NBEA: variants seen among roughly 807,000 people sequenced by gnomAD.
NBEA encodes the protein lysosomal-trafficking regulator 2.
NBEA carries 44 observed loss-of-function variants against 343.4 expected under a neutral mutation model. The observed-to-expected ratio is 0.13, with a 90% CI of 0.10 to 0.16. The LOEUF (loss-of-function observed/expected upper bound fraction) is 0.16, where lower values mean the gene tolerates loss of function less well. Ranked by LOEUF, NBEA falls within the 10% of genes least tolerant of loss-of-function variation. NBEA has a pLI of 1.00. For missense variants in NBEA, 2,555 were observed against 3,631.3 expected (o/e 0.70, Z 7.62); for synonymous variants, 1,175 against 1,238.7 (o/e 0.95, Z 1.08).
intron 41 of NBEA, among the ~76,000 whole-genome samples, chr13:35,523,844 T>C (rs183037006): frequency 2.6e-5 from 4 of 152,302 alleles, no homozygotes; most frequent in African/African-American, 9.6e-5. Flanking sequence ...TAATGATTTT[T>C]CTATTTATTT....
chr13:35,454,481 T>G (rs1322610941), intron 40 of NBEA, among the ~76,000 whole-genome samples: 1 of 152,186 alleles, frequency 6.6e-6, no homozygotes, highest in Non-Finnish European at 1.5e-5. Flanking sequence ...ATAATGTCTG[T>G]CTTACTCATA....
At chr13:35,367,810 T>G (rs1594373097) in intron 38 of NBEA, among the ~76,000 whole-genome samples, 1 of 151,456 alleles carries the variant, frequency 6.6e-6, no homozygotes, top group East Asian at 1.9e-4. Context: ...ACACTGGCAT[T>G]TTTACAGGTT....
At chr13:34,962,685 T>G (rs1273264633) in intron 1 of NBEA, among the ~76,000 whole-genome samples, 1 of 152,018 alleles carries the variant, frequency 6.6e-6, no homozygotes, top group Non-Finnish European at 1.5e-5. Context: ...ACAACTGCTT[T>G]TTGTGAGCTC....
At chr13:35,110,652 T>C (rs1304767857) in intron 12 of NBEA, among the ~76,000 whole-genome samples, 158 bp from the exon 13 acceptor site, 1 of 152,246 alleles carries the variant, frequency 6.6e-6, no homozygotes, top group Admixed American at 6.5e-5. Flanking sequence ...TTTTTAAATA[T>C]AAATAATATT....
intron 53 of NBEA, among the ~76,000 whole-genome samples, chr13:35,653,884 C>A (rs2084679388): frequency 1.3e-5 from 2 of 152,124 alleles, no homozygotes; most frequent in Non-Finnish European, 2.9e-5. Context: ...TAGTAAAGGA[C>A]CAACTGTATA....
intron 25 of NBEA, among the ~76,000 whole-genome samples, chr13:35,170,927 T>C (rs1376671079): frequency 6.6e-6 from 1 of 151,954 alleles, no homozygotes; most frequent in Non-Finnish European, 1.5e-5. Context: ...TTAAAATCTT[T>C]ATAAATTACA....
At chr13:35,137,023 G>T (rs1327699693) in intron 17 of NBEA, among the ~76,000 whole-genome samples, 1 of 152,200 alleles carries the variant, frequency 6.6e-6, no homozygotes, top group Non-Finnish European at 1.5e-5. Flanking sequence ...AAAGTGTGAG[G>T]ATGGTAATTA....
chr13:34,956,178 G>A (rs58112856), intron 1 of NBEA, among the ~76,000 whole-genome samples: 12,519 of 152,190 alleles, frequency 0.082, 632 homozygotes, highest in African/African-American at 0.13. Flanking sequence ...TGAGTATATT[G>A]TAATTCTGAA....
At chr13:35,054,628 T>C (rs2063181200) in intron 6 of NBEA, among the ~76,000 whole-genome samples, 1 of 151,318 alleles carries the variant, frequency 6.6e-6, no homozygotes, top group Admixed American at 6.6e-5. Flanking sequence ...TTTTTTTCTT[T>C]TTCTGTTTTC....
At chr13:35,507,653 C>T (rs1461962) in intron 41 of NBEA, among the ~76,000 whole-genome samples, 74,885 of 151,910 alleles carry the variant, frequency 0.49, 20,150 homozygotes, top group Non-Finnish European at 0.61. Flanking sequence ...TCTCTCACAC[C>T]CAACATATAC....
At chr13:35,297,110 A>T (rs574140679) in intron 35 of NBEA, among the ~76,000 whole-genome samples, 1 of 152,046 alleles carries the variant, frequency 6.6e-6, no homozygotes, top group South Asian at 2.1e-4. Flanking sequence ...ATTATTCAGC[A>T]TTCTCTCTTT....
chr13:34,989,089 A>G lies in NBEA; in HGVS notation c.294+45975A>G, dbSNP rs1416952430. Reference sequence around the variant, plus strand: ...TCATTATTTTATATATTTGTTTTTTAGGCGTATCTCCCTGCATTATTATTT... The same window carrying G: ...TCATTATTTTATATATTTGTTTTTTGGGCGTATCTCCCTGCATTATTATTT... On this transcript the variant is annotated intron_variant, in intron 1 of 58. Coordinates refer to ENST00000379939, the MANE Select transcript of NBEA (RefSeq NM_001385012.1). 1.3e-5 allele frequency among the ~76,000 whole-genome samples: 2 copies of G among 150,752 alleles called. 1 individual carries two copies. Among genetic ancestry groups the G allele is most frequent in the Non-Finnish European group, 3.0e-5 (2 of 67,396 alleles).
chr13:35,354,260 T>C (rs545130273), intron 38 of NBEA, among the ~76,000 whole-genome samples: 9 of 152,292 alleles, frequency 5.9e-5, no homozygotes, highest in African/African-American at 2.2e-4. Context: ...TCTCCCTTTT[T>C]GTGTCAGCTG....
At chr13:35,149,235 T>C (rs1022916195) in intron 18 of NBEA, among the ~76,000 whole-genome samples, 1 of 152,328 alleles carries the variant, frequency 6.6e-6, no homozygotes, top group African/African-American at 2.4e-5. Context: ...GGCTTTTCCC[T>C]ATGCAGAGTA....
intron 55 of NBEA, among the ~76,000 whole-genome samples, chr13:35,660,092 C>G (rs953882480): frequency 6.6e-6 from 1 of 152,138 alleles, no homozygotes; most frequent in African/African-American, 2.4e-5. Flanking sequence ...TTAAAAGGAT[C>G]AATGGTATTC....
Position 35,452,297 on chromosome 13 carries a change from A to C in NBEA, c.6448+62A>C. The C allele has an allele frequency of 2.4e-6, 3 of 1,265,248 alleles. No homozygotes were observed. In the South Asian group the frequency reaches 4.0e-5, roughly 17 times the overall value. 78.4% of individuals were successfully genotyped at this position (1,265,248 alleles called of 1,614,324 possible). Reference sequence around the variant, plus strand: ...ATAAACACAAAGCTACTGAATTCAAAATCTGTCTCCTAGTAAATAAATGTG... The same window carrying C: ...ATAAACACAAAGCTACTGAATTCAACATCTGTCTCCTAGTAAATAAATGTG... On this transcript the variant is annotated intron_variant, in intron 40 of 58. Transcript: ENST00000379939.
chr13:35,430,828 A>G (rs988506464), intron 38 of NBEA, among the ~76,000 whole-genome samples: 2 of 152,162 alleles, frequency 1.3e-5, no homozygotes, highest in Non-Finnish European at 2.9e-5. Context: ...AAATCATCCT[A>G]TTTTAAATTA....
chr13:35,257,309 G>GGA (rs2152794602), intron 34 of NBEA, among the ~76,000 whole-genome samples: 1 of 152,260 alleles, frequency 6.6e-6, no homozygotes, highest in Non-Finnish European at 1.5e-5. Context: ...GATGCTAACT[G>GGA]TTCTGAATTT....
chr13:35,336,306 A>C (rs775879198), intron 36 of NBEA, among the ~76,000 whole-genome samples: 1 of 152,088 alleles, frequency 6.6e-6, no homozygotes. Flanking sequence ...ACACAGCAAA[A>C]AACCAAATCA....
Sources: gnomAD v4.1 joint callset for allele counts (sites outside exome capture counted in the v4.1 genomes callset) on GRCh38, gnomAD v4.1.1 for gene constraint, MANE v1.5 for transcripts, NCBI Gene and HGNC (gene_info 2026-07-23, HGNC 2026-07-21) for gene names.